Variants in COL10A1 observed in about 807,000 individuals in gnomAD.
COL10A1 encodes the protein collagen type X alpha 1 chain.
In COL10A1, 10 loss-of-function variants were observed where a neutral mutation model predicts 18.2. The ratio of observed to expected loss-of-function variants is 0.55; its 90% CI spans 0.34 to 0.93. The LOEUF is 0.93. Ranked by LOEUF, COL10A1 falls within the 40% of genes least tolerant of loss-of-function variation. The pLI is 0.02. For missense variants in COL10A1, 897 were observed against 853.5 expected (o/e 1.05, Z -0.64); for synonymous variants, 330 against 316.6 (o/e 1.04, Z -0.45).
chr6:116,126,579 A>G (rs1157907681), upstream of COL10A1, among the ~76,000 whole-genome samples: 1 of 152,176 alleles, frequency 6.6e-6, no homozygotes, highest in African/African-American at 2.4e-5. Flanking sequence ...AAAGTTATCA[A>G]TGTGTCTATT....
rs1779280609 is a variant in COL10A1 at position 116,125,675 on chromosome 6, A to AT, written c.-15-169dup. The AT allele has an allele frequency of 7.2e-6, 4 of 552,122 alleles. No individual in the cohort carries two copies. In the South Asian group the frequency reaches 8.7e-5, roughly 12 times the overall value. The allele number at this position is 552,122 out of a possible 1,614,324, so 34.2% of individuals were successfully genotyped here. A position where few individuals can be genotyped will look rare whatever the true frequency, so the allele number is the denominator to read the frequency against. ...GAGAGATCATTTTTTAGTTATGTGA[A>AT]TATATGTCTTAGTTATTTTTGGAAG... On this transcript the variant is annotated intron_variant, in intron 1 of 2. Coordinates refer to ENST00000651968, the MANE Select transcript of COL10A1 (RefSeq NM_000493.4).
chr6:116,183,128 G>T, the COL10A1 span, among the ~76,000 whole-genome samples: 1 of 151,920 alleles, frequency 6.6e-6, no homozygotes, highest in Admixed American at 6.6e-5. Context: ...TGTTGAATAG[G>T]GTATCCTTTC....
chr6:116,166,123 A>C, the COL10A1 span, among the ~76,000 whole-genome samples: 1 of 151,614 alleles, frequency 6.6e-6, no homozygotes, highest in Admixed American at 6.6e-5. Flanking sequence ...AAGCACCCCA[A>C]CCTACCCTTC....
At chr6:116,178,096 C>T in the COL10A1 span, among the ~76,000 whole-genome samples, 154 of 107,856 alleles carry the variant, frequency 1.4e-3, 1 homozygote, top group African/African-American at 3.3e-3. Context: ...TGTGCGCGCG[C>T]GCGCGCGTGC....
the COL10A1 span, among the ~76,000 whole-genome samples, chr6:116,212,260 T>C: frequency 6.6e-6 from 1 of 152,036 alleles, no homozygotes; most frequent in Non-Finnish European, 1.5e-5. Flanking sequence ...TATGAAAGCA[T>C]ATAGAAGATA....
At chr6:116,198,334 GC>G in the COL10A1 span, among the ~76,000 whole-genome samples, 1 of 152,002 alleles carries the variant, frequency 6.6e-6, no homozygotes, top group Non-Finnish European at 1.5e-5. Flanking sequence ...ATGGAGATAG[GC>G]CTTTCCTTTT....
upstream of COL10A1, among the ~76,000 whole-genome samples, chr6:116,159,033 A>G (rs973670875): frequency 1.1e-4 from 16 of 152,324 alleles, no homozygotes; most frequent in African/African-American, 3.8e-4. Flanking sequence ...AGTAGTTTTA[A>G]TTAATAAATC....
At chr6:116,176,374 G>A in the COL10A1 span, among the ~76,000 whole-genome samples, 66 of 152,282 alleles carry the variant, frequency 4.3e-4, no homozygotes, top group Admixed American at 1.2e-3. Context: ...GGGCCTGGAG[G>A]CAGGGTATAG....
At chr6:116,128,950 T>C (rs146971759), upstream of COL10A1, among the ~76,000 whole-genome samples, 515 of 152,286 alleles carry the variant, frequency 3.4e-3, no homozygotes, top group African/African-American at 0.011. Flanking sequence ...TCTTTTATAG[T>C]AGTGAGAATA....
At chr6:116,209,790 A>G in the COL10A1 span, among the ~76,000 whole-genome samples, 1 of 152,004 alleles carries the variant, frequency 6.6e-6, no homozygotes, top group African/African-American at 2.4e-5. Flanking sequence ...ATCCTGAGGA[A>G]AAGCAGAATT....
chr6:116,195,690 T>C, the COL10A1 span, among the ~76,000 whole-genome samples: 1 of 152,044 alleles, frequency 6.6e-6, no homozygotes, highest in South Asian at 2.1e-4. Flanking sequence ...ATCTTTAGAA[T>C]ATGGTAGACT....
At chr6:116,162,250 G>A (rs1019662091), upstream of COL10A1, among the ~76,000 whole-genome samples, 4 of 152,046 alleles carry the variant, frequency 2.6e-5, no homozygotes, top group East Asian at 1.9e-4. Context: ...CCACTTTTCC[G>A]ATTTGGATGC....
the COL10A1 span, among the ~76,000 whole-genome samples, chr6:116,197,395 A>G: frequency 7.9e-5 from 12 of 151,976 alleles, no homozygotes; most frequent in Non-Finnish European, 2.9e-5. Flanking sequence ...ATCTTGTCTG[A>G]TTTAAAATGC....
intron 1 of COL10A1, among the ~76,000 whole-genome samples, chr6:116,157,052 C>T (rs150319866): frequency 2.7e-3 from 410 of 152,260 alleles, no homozygotes; most frequent in Non-Finnish European, 4.4e-3. Context: ...GCCTCCCTTC[C>T]ACCAAATAGA....
chr6:116,211,686 A>G, the COL10A1 span, among the ~76,000 whole-genome samples: 1 of 152,128 alleles, frequency 6.6e-6, no homozygotes, highest in Non-Finnish European at 1.5e-5. Flanking sequence ...AACTGTGTAC[A>G]AATTCTGTAC....
At chr6:116,163,262 G>T (rs1780385946), upstream of COL10A1, among the ~76,000 whole-genome samples, 1 of 148,354 alleles carries the variant, frequency 6.7e-6, no homozygotes, top group Non-Finnish European at 1.5e-5. Context: ...TGTTTGTTTT[G>T]GTTGGTAGAT....
chr6:116,165,593 C>A, the COL10A1 span, among the ~76,000 whole-genome samples: 1 of 152,362 alleles, frequency 6.6e-6, no homozygotes, highest in South Asian at 2.1e-4. Flanking sequence ...TCTCCTACAT[C>A]CACAACAGTG....
At chr6:116,172,945 A>G in the COL10A1 span, among the ~76,000 whole-genome samples, 1 of 152,192 alleles carries the variant, frequency 6.6e-6, no homozygotes, top group Non-Finnish European at 1.5e-5. Context: ...GTGGATAACC[A>G]ATTAGGATAA....
chr6:116,136,452 T>G (rs1335962764), intron 1 of COL10A1, among the ~76,000 whole-genome samples: 1 of 148,262 alleles, frequency 6.7e-6, no homozygotes, highest in Non-Finnish European at 1.5e-5. Flanking sequence ...TAGCTATTTT[T>G]TTTAAGTTTT....
Sources: allele counts gnomAD v4.1 joint callset (sites outside exome capture counted in the v4.1 genomes callset), GRCh38; gene constraint gnomAD v4.1.1; transcripts MANE v1.5; gene names NCBI Gene and HGNC (gene_info 2026-07-23, HGNC 2026-07-21).